The following PPP1R3A variants were observed in gnomAD, a reference collection of about 807,000 sequenced individuals.
PPP1R3A encodes the protein RG1.
A neutral mutation model predicts 41.7 loss-of-function variants in PPP1R3A; 29 were observed. That is an observed-to-expected ratio of 0.70 (90% CI 0.52 to 0.95). The LOEUF is 0.95. Ranked by LOEUF, PPP1R3A falls within the 40% of genes least tolerant of loss-of-function variation. The pLI, the probability that PPP1R3A is intolerant of heterozygous loss-of-function variation, is 0.00. For missense variants in PPP1R3A, 1,352 were observed against 1,292.4 expected (o/e 1.05, Z -0.71); for synonymous variants, 485 against 453.4 (o/e 1.07, Z -0.89).
intron 1 of PPP1R3A, among the ~76,000 whole-genome samples, chr7:113,902,251 C>G (rs2129118645): frequency 6.6e-6 from 1 of 151,900 alleles, no homozygotes; most frequent in South Asian, 2.1e-4. Context: ...CCTCAGCCTC[C>G]CAAGTATATG....
chr7:113,918,173 T>TTTAAGA (rs745612944), intron 1 of PPP1R3A, 42 bp downstream of exon 1: 327 of 1,524,710 alleles, frequency 2.1e-4, no homozygotes, highest in Middle Eastern at 4.1e-4. Context: ...ACATAAAAAC[T>TTTAAGA]TTAAGATTGT....
At position 113,879,759 on chromosome 7, in the gene PPP1R3A, C is replaced by G. The variant is rs2129113259; in HGVS notation, c.1333G>C (p.Ala445Pro). The G allele has an allele frequency of 6.2e-7, 1 of 1,613,360 alleles. No individual in the cohort carries two copies. The highest frequency in any genetic ancestry group is 2.2e-5 in the East Asian group (1 of 44,820). ...KEVLDDNANP[A>P]HGNGTVQIPC... ...ATTTGCACTGTGCCATTGCCATGGG[C>G]TGGATTAGCATTATCATCCAGGACT... is the stretch of plus-strand genomic sequence containing the variant. The change falls in exon 4 of 4, where the codon GCC becomes CCC. Residue 445 changes from alanine (A) to proline (P), a missense_variant. Physicochemically the swap from Ala to Pro is conservative, Grantham distance 27. Transcript: ENST00000284601.
chr7:113,879,151 A>T lies in PPP1R3A; in HGVS notation c.1941T>A (p.Asp647Glu). Residue 647 changes from aspartate to glutamate, a missense_variant, in exon 4 of 4, where the codon GAT becomes GAA. Physicochemically the swap from Asp to Glu is conservative, Grantham distance 45. Coordinates refer to ENST00000284601, the MANE Select transcript of PPP1R3A (RefSeq NM_002711.4). ...AACTTTGTTTATGCTGTGGGCTATT[A>T]TCCTGATCTTCAGAATTAATCCCAC... ...KSGGINSEDQDNSPQHKQSWN... is the reference protein window; with the variant it reads ...KSGGINSEDQENSPQHKQSWN... The T allele has an allele frequency of 6.2e-7, 1 of 1,613,654 alleles. No homozygotes were observed. Among genetic ancestry groups the T allele is most frequent in the Non-Finnish European group, 8.5e-7 (1 of 1,179,784 alleles).
chr7:113,918,583 C>T lies in PPP1R3A; in HGVS notation c.414G>A (p.Gly138=), dbSNP rs1316100213. 1.2e-6 allele frequency: 2 copies of T among 1,613,322 alleles called. No homozygotes were observed. Among genetic ancestry groups the T allele is most frequent in the Non-Finnish European group, 1.7e-6 (2 of 1,179,580 alleles). ...GAATAATACCCTTGATACTTGTAGACCCAAGAAGAGACTCAGTTGACTCCA... is the reference window on the plus strand; with the variant it reads ...GAATAATACCCTTGATACTTGTAGATCCAAGAAGAGACTCAGTTGACTCCA... ...AILESTESLL[G]STSIKGIIRV... is the part of the protein sequence containing the mutation. Residue 138 remains glycine (G), a synonymous_variant, in exon 1 of 4, where the codon GGG becomes GGA. Coordinates refer to ENST00000284601, the MANE Select transcript of PPP1R3A (RefSeq NM_002711.4).
chr7:113,887,666 G>A (rs2129115748), intron 1 of PPP1R3A, among the ~76,000 whole-genome samples: 1 of 152,240 alleles, frequency 6.6e-6, no homozygotes, highest in Non-Finnish European at 1.5e-5. Flanking sequence ...ATAACTAGAA[G>A]TTTCCCAATT....
intron 3 of PPP1R3A, among the ~76,000 whole-genome samples, chr7:113,880,485 C>G (rs917901244): frequency 6.6e-6 from 1 of 152,028 alleles, no homozygotes; most frequent in African/African-American, 2.4e-5. Flanking sequence ...CCTGGGTGCC[C>G]CTTGCTGCAT....
intron 3 of PPP1R3A, among the ~76,000 whole-genome samples, chr7:113,881,101 A>G (rs1796685915): frequency 6.6e-6 from 1 of 152,038 alleles, no homozygotes; most frequent in Admixed American, 6.6e-5. Context: ...TGGCCATGTT[A>G]ACTTTCAGCT....
intron 1 of PPP1R3A, among the ~76,000 whole-genome samples, chr7:113,914,322 T>TC (rs1797303812): frequency 6.6e-6 from 1 of 152,186 alleles, no homozygotes; most frequent in South Asian, 2.1e-4. Flanking sequence ...GTGTAAACTT[T>TC]ACTGAAATTA....
In PPP1R3A at chr7:113,901,692, G is replaced by A. The variant is rs543746636; in HGVS notation, c.782+16523C>T. 1.2e-4 allele frequency among the ~76,000 whole-genome samples: 18 copies of A among 151,832 alleles called. No homozygotes were observed. In the South Asian group the frequency reaches 3.1e-3, roughly 26 times the overall value. On this transcript the variant is annotated intron_variant, in intron 1 of 3. Transcript: ENST00000284601. The stretch of plus-strand genomic sequence containing the variant: ...AGCAAACTGGTCCAGGGTTAGCTGC[G>A]AGTGGTAAGGGGTCGTGTGGCAGGA...
chr7:113,893,645 C>A (rs1468667635), intron 1 of PPP1R3A, among the ~76,000 whole-genome samples: 1 of 152,030 alleles, frequency 6.6e-6, no homozygotes, highest in Non-Finnish European at 1.5e-5. Flanking sequence ...GGAAACTGTA[C>A]TAAACTGCTC....
Position 113,880,068 on chromosome 7 carries a change from A to G in PPP1R3A, c.1024T>C (p.Phe342Leu). 2.5e-6 allele frequency: 4 copies of G among 1,610,384 alleles called. No homozygotes were observed. Among genetic ancestry groups the G allele is most frequent in the Non-Finnish European group, 3.4e-6 (4 of 1,177,050 alleles). ...STASRDERNT[F>L]STDPVNFPNK... ...GGAAAATTGACTGGATCTGTTGAAA[A>G]TGTATTCCTTTCATCTCTGGAAGCA... Residue 342 changes from phenylalanine to leucine, a missense_variant, in exon 4 of 4, where the codon TTT becomes CTT. Phe to Leu is a conservative substitution (Grantham distance 22). Transcript: ENST00000284601.
chr7:113,907,742 T>G (rs1797169938), intron 1 of PPP1R3A, among the ~76,000 whole-genome samples: 1 of 151,832 alleles, frequency 6.6e-6, no homozygotes, highest in Non-Finnish European at 1.5e-5. Context: ...TGATAAAATA[T>G]AATGTTATGG....
chr7:113,917,714 A>C (rs1562928055), intron 1 of PPP1R3A, among the ~76,000 whole-genome samples: 1 of 152,048 alleles, frequency 6.6e-6, no homozygotes, highest in Non-Finnish European at 1.5e-5. Context: ...TATCACTTCA[A>C]ACATCCCTGT....
intron 1 of PPP1R3A, among the ~76,000 whole-genome samples, chr7:113,887,888 G>A (rs574630034): frequency 1.2e-4 from 18 of 152,092 alleles, no homozygotes; most frequent in Admixed American, 7.9e-4. Context: ...AAAATTAGCC[G>A]GGCATGGTGG....
rs1281992544 is a variant in PPP1R3A at position 113,918,902 on chromosome 7, G to A, written c.95C>T (p.Thr32Ile). The A allele has an allele frequency of 2.5e-6, 4 of 1,613,266 alleles. No individual in the cohort carries two copies. Among genetic ancestry groups the A allele is most frequent in the Non-Finnish European group, 2.5e-6 (3 of 1,179,458 alleles). The change falls in exon 1 of 4, where the codon ACT (threonine) becomes ATT (isoleucine). Residue 32 changes from threonine (T) to isoleucine (I), a missense_variant. Transcript: ENST00000284601. The part of the protein sequence containing the change: ...SDSLCEDEEV[T>I]FQPGFSPQPS... ...TTGAGGGGAGAAACCAGGTTGGAAA[G>A]TAACTTCTTCATCTTCACAAAGAGA... is the stretch of plus-strand genomic sequence containing the variant.
chr7:113,908,833 T>C (rs1797189579), intron 1 of PPP1R3A, among the ~76,000 whole-genome samples: 1 of 151,902 alleles, frequency 6.6e-6, no homozygotes, highest in Admixed American at 6.6e-5. Flanking sequence ...AATTATGTCC[T>C]TTGCAACAAC....
At chr7:113,912,431 T>C (rs1797266837) in intron 1 of PPP1R3A, among the ~76,000 whole-genome samples, 1 of 152,114 alleles carries the variant, frequency 6.6e-6, no homozygotes, top group Admixed American at 6.5e-5. Flanking sequence ...CACACACATA[T>C]ATATATACAC....
At chr7:113,904,762 C>T in intron 1 of PPP1R3A, among the ~76,000 whole-genome samples, 1 of 151,798 alleles carries the variant, frequency 6.6e-6, no homozygotes, top group South Asian at 2.1e-4. Flanking sequence ...CTTCAGGAGT[C>T]ACTGTACAGA....
intron 3 of PPP1R3A, among the ~76,000 whole-genome samples, chr7:113,880,369 A>C (rs926829563): frequency 1.3e-5 from 2 of 151,990 alleles, no homozygotes; most frequent in Non-Finnish European, 2.9e-5. Flanking sequence ...CCCAGCTTCC[A>C]ACTATCACAT....
Sources: gnomAD v4.1 joint callset for allele counts (sites outside exome capture counted in the v4.1 genomes callset) on GRCh38, gnomAD v4.1.1 for gene constraint, MANE v1.5 for transcripts, NCBI Gene and HGNC (gene_info 2026-07-23, HGNC 2026-07-21) for gene names.